Variants in NTM observed in about 807,000 individuals in gnomAD.
NTM encodes IgLON family member 2.
NTM carries 13 observed loss-of-function variants against 42.1 expected under a neutral mutation model. The observed-to-expected ratio is 0.31, with a 90% confidence interval of 0.20 to 0.49. The LOEUF (loss-of-function observed/expected upper bound fraction) is 0.49, where lower values mean the gene tolerates loss of function less well. NTM is among the 20% of genes least tolerant of loss of function. The pLI, the probability that NTM is intolerant of heterozygous loss-of-function variation, is 0.99. For missense variants in NTM, 373 were observed against 452.8 expected (o/e 0.82, Z 1.60); for synonymous variants, 187 against 179.2 (o/e 1.04, Z -0.35).
chr11:131,875,375 C>A (rs780083176), intron 1 of NTM, among the ~76,000 whole-genome samples: 12 of 152,142 alleles, frequency 7.9e-5, no homozygotes, highest in Admixed American at 2.6e-4. Context: ...GTCTTGACAG[C>A]CTGGTTGAGG....
At chr11:132,038,238 T>G (rs2076746416) in intron 2 of NTM, among the ~76,000 whole-genome samples, 1 of 152,234 alleles carries the variant, frequency 6.6e-6, no homozygotes, top group Non-Finnish European at 1.5e-5. Flanking sequence ...TAAAGGGTTA[T>G]CTTGATCAAT....
intron 3 of NTM, among the ~76,000 whole-genome samples, chr11:132,158,920 C>T (rs967155589): frequency 6.6e-6 from 1 of 152,164 alleles, no homozygotes; most frequent in African/African-American, 2.4e-5. Context: ...GGAAAGAAAA[C>T]AGGAATGATA....
intron 4 of NTM, among the ~76,000 whole-genome samples, chr11:132,226,169 C>T (rs2086228806): frequency 6.6e-6 from 1 of 152,182 alleles, no homozygotes; most frequent in Non-Finnish European, 1.5e-5. Flanking sequence ...CCGTAATAAA[C>T]ATACAAGTGC....
At chr11:131,691,274 C>T (rs2074660348) in intron 1 of NTM, among the ~76,000 whole-genome samples, 2 of 152,216 alleles carry the variant, frequency 1.3e-5, no homozygotes, top group African/African-American at 4.8e-5. Context: ...TCCTCAGGCC[C>T]AGCAAGCGCC....
intron 1 of NTM, among the ~76,000 whole-genome samples, chr11:131,664,753 G>GTTTTTTTTTTTTTTTTT (rs199824869): frequency 3.2e-4 from 36 of 112,880 alleles, no homozygotes; most frequent in African/African-American, 1.2e-3. Flanking sequence ...CTCTTCCATT[G>GTTTTTTTTTTTTTTTTT]TTTTTTTTTT....
chr11:132,327,691 G>C (rs550059491), intron 7 of NTM, among the ~76,000 whole-genome samples: 3 of 152,246 alleles, frequency 2.0e-5, no homozygotes, highest in East Asian at 1.9e-4. Flanking sequence ...TAACTTTCTG[G>C]ATTGAGCAGA....
intron 2 of NTM, among the ~76,000 whole-genome samples, chr11:131,937,136 T>G (rs2059308028): frequency 6.6e-6 from 1 of 152,204 alleles, no homozygotes; most frequent in Admixed American, 6.5e-5. Flanking sequence ...AAACGTCTAC[T>G]CTTTTATTTC....
intron 1 of NTM, among the ~76,000 whole-genome samples, chr11:131,748,238 C>T (rs1207250654): frequency 6.6e-6 from 1 of 152,208 alleles, no homozygotes; most frequent in Non-Finnish European, 1.5e-5. Flanking sequence ...GTTAGGCGTC[C>T]AGGTCATGTA....
chr11:132,177,841 C>T (rs892490716), intron 3 of NTM, among the ~76,000 whole-genome samples: 1 of 152,218 alleles, frequency 6.6e-6, no homozygotes, highest in East Asian at 1.9e-4. Context: ...ACTGGGTAAA[C>T]CTCTAGTTAA....
intron 1 of NTM, among the ~76,000 whole-genome samples, chr11:131,432,839 C>CAT (rs1565494793): frequency 4.1e-4 from 28 of 68,702 alleles, no homozygotes; most frequent in Non-Finnish European, 4.9e-4. Flanking sequence ...ATTTAGCATT[C>CAT]TTTTTTTTTT....
chr11:131,854,499 T>C (rs1459781855), intron 1 of NTM, among the ~76,000 whole-genome samples: 1 of 152,200 alleles, frequency 6.6e-6, no homozygotes, highest in African/African-American at 2.4e-5. Context: ...AAACCAGCAC[T>C]GCAAAAAGCA....
At position 131,501,427 on chromosome 11, in the gene NTM, A is replaced by G. The variant is rs111701123; in HGVS notation, c.82+130539A>G. Among the ~76,000 whole-genome samples the G allele has an allele frequency of 4.4e-4, 67 of 152,238 alleles. 1 individual carries two copies. The highest frequency in any genetic ancestry group is 1.6e-3 in the African/African-American group (66 of 41,546). On this transcript the variant is annotated intron_variant, in intron 1 of 8. Transcript: ENST00000683400. ...TTCCAGCCAGGAGAAGGGGTTGAGG[A>G]CATGTTTGAGAATTGCTCCTGGGCT...
chr11:131,543,924 G>A (rs1269183042), intron 1 of NTM, among the ~76,000 whole-genome samples: 2 of 152,196 alleles, frequency 1.3e-5, no homozygotes, highest in African/African-American at 2.4e-5. Context: ...GATGATTACA[G>A]GCCACAGCTC....
intron 4 of NTM, among the ~76,000 whole-genome samples, chr11:132,214,827 A>C (rs1238648240): frequency 6.6e-6 from 1 of 152,240 alleles, no homozygotes; most frequent in Non-Finnish European, 1.5e-5. Context: ...AAAGAGGAGC[A>C]GGACAATCAG....
intron 1 of NTM, among the ~76,000 whole-genome samples, chr11:131,865,976 T>C (rs1191388376): frequency 7.0e-5 from 5 of 71,042 alleles, no homozygotes; most frequent in East Asian, 3.9e-4. Flanking sequence ...CACATACACC[T>C]CCCACACACT....
chr11:131,642,833 T>A (rs1425429812), intron 1 of NTM, among the ~76,000 whole-genome samples: 1 of 152,194 alleles, frequency 6.6e-6, no homozygotes, highest in Non-Finnish European at 1.5e-5. Context: ...ATTATCGTCC[T>A]GTCTTTTCCT....
At chr11:131,653,286 CTT>C (rs35399851) in intron 1 of NTM, among the ~76,000 whole-genome samples, 116,512 of 151,668 alleles carry the variant, frequency 0.77, 45,728 homozygotes, top group East Asian at 0.91. Flanking sequence ...TGCTGTCTCT[CTT>C]AGCCTTCAGA....
intron 1 of NTM, among the ~76,000 whole-genome samples, chr11:131,576,742 G>T (rs2137137988): frequency 6.6e-6 from 1 of 152,310 alleles, no homozygotes; most frequent in East Asian, 1.9e-4. Context: ...ATAATAAGAT[G>T]ATCCCTGACG....
chr11:131,873,574 C>CAT lies in NTM; in HGVS notation c.83-37980_83-37979dup, dbSNP rs1284002678. Among the ~76,000 whole-genome samples the CAT allele has an allele frequency of 2.1e-3, 73 of 35,232 alleles. 3 individuals are homozygous for CAT. Among genetic ancestry groups the CAT allele is most frequent in the African/African-American group, 4.9e-3 (63 of 12,744 alleles). The allele number at this position is 35,232 out of a possible 152,430, so 23.1% of individuals were successfully genotyped here. ...CATATATATATACCGTATATATATA[C>CAT]ATATATATATACCGTATATATATAC... On this transcript the variant is annotated intron_variant, in intron 1 of 8. Transcript: ENST00000683400.
Sources: gnomAD v4.1 joint callset for allele counts (sites outside exome capture counted in the v4.1 genomes callset) on GRCh38, gnomAD v4.1.1 for gene constraint, MANE v1.5 for transcripts, NCBI Gene and HGNC (gene_info 2026-07-23, HGNC 2026-07-21) for gene names.